Variants in XPO7 observed in about 807,000 individuals in gnomAD.
The protein encoded by XPO7 is exportin-7.
A neutral mutation model predicts 144.3 loss-of-function variants in XPO7; 21 were observed. That is an observed-to-expected ratio of 0.15 (90% CI 0.10 to 0.21). The LOEUF (loss-of-function observed/expected upper bound fraction) is 0.21, where lower values mean the gene tolerates loss of function less well. Among genes scored for constraint, XPO7 ranks in the 10% least tolerant of loss-of-function variants. XPO7 has a pLI of 1.00. For synonymous variants in XPO7, 580 were observed against 499.6 expected (o/e 1.16, Z -2.15); for missense variants, 808 against 1,325.8 (o/e 0.61, Z 6.06).
chr8:21,961,877 G>T (rs560672715), intron 1 of XPO7, among the ~76,000 whole-genome samples: 1 of 152,172 alleles, frequency 6.6e-6, no homozygotes, highest in Non-Finnish European at 1.5e-5. Flanking sequence ...CGGCCATGCC[G>T]GTCTCAAACT....
At chr8:21,940,155 A>G (rs906602172) in intron 1 of XPO7, among the ~76,000 whole-genome samples, 5 of 152,196 alleles carry the variant, frequency 3.3e-5, no homozygotes, top group South Asian at 2.1e-4. Context: ...TGAGTTCTTA[A>G]TGATATTTTA....
intron 3 of XPO7, 71 bp downstream of exon 3, chr8:21,969,647 T>A (rs1563325942): frequency 6.0e-6 from 8 of 1,333,536 alleles, no homozygotes; most frequent in Non-Finnish European, 6.3e-6. Context: ...AATAGTCAAA[T>A]GTACGTGTTT....
At chr8:21,924,973 TC>T (rs1810412615) in intron 1 of XPO7, among the ~76,000 whole-genome samples, 1 of 152,342 alleles carries the variant, frequency 6.6e-6, no homozygotes, top group Non-Finnish European at 1.5e-5. Context: ...ATATTCTACT[TC>T]CAGGGCCTTA....
Position 22,005,422 on chromosome 8 carries a change from C to A in XPO7, c.*334C>A. 1 of 192,548 alleles carries A rather than the reference C, an allele frequency of 5.2e-6. No homozygotes were observed. Among genetic ancestry groups the A allele is most frequent in the Non-Finnish European group, 1.1e-5 (1 of 94,438 alleles). 11.9% of individuals were successfully genotyped at this position (192,548 alleles called of 1,614,324 possible). ...ACAACCTGCCTTGTATAAACATGTACATTTTTTCATAACATTTTGAACAAG... is the reference window on the plus strand; with the variant it reads ...ACAACCTGCCTTGTATAAACATGTAAATTTTTTCATAACATTTTGAACAAG... On this transcript the variant is annotated 3_prime_UTR_variant, in exon 28 of 28. Coordinates refer to ENST00000252512, the MANE Select transcript of XPO7 (RefSeq NM_015024.5).
rs577784123 is a variant in XPO7, at chr8:21,974,832, G to A, written c.597+58G>A. On this transcript the variant is annotated intron_variant, in intron 6 of 27. Coordinates refer to ENST00000252512, the MANE Select transcript of XPO7 (RefSeq NM_015024.5). ...TTCTTTTGAAAGAATGAGAATGGAT[G>A]GGAACTTGTTAAATGTCAGCTTTTA... 6.6e-5 allele frequency: 89 copies of A among 1,357,488 alleles called. 1 individual carries two copies. In the South Asian group the frequency reaches 1.2e-3, roughly 18 times the overall value. The allele number at this position is 1,357,488 out of a possible 1,614,324, so 84.1% of individuals were successfully genotyped here.
chr8:21,958,880 G>A (rs985352593), intron 1 of XPO7, among the ~76,000 whole-genome samples: 1 of 150,974 alleles, frequency 6.6e-6, no homozygotes, highest in African/African-American at 2.4e-5. Context: ...AGAATCACTT[G>A]AACCCGGGAG....
At chr8:21,983,704 G>A (rs934401950) in intron 11 of XPO7, among the ~76,000 whole-genome samples, 1 of 152,168 alleles carries the variant, frequency 6.6e-6, no homozygotes, top group African/African-American at 2.4e-5. Flanking sequence ...TAGTAGCTCT[G>A]TACTCTTGGG....
chr8:21,924,393 A>G (rs1159125389), intron 1 of XPO7, among the ~76,000 whole-genome samples: 2 of 152,108 alleles, frequency 1.3e-5, no homozygotes, highest in South Asian at 2.1e-4. Context: ...AGTCAGTATT[A>G]TCGGTGCCCC....
chr8:21,926,451 G>C (rs1810460740), intron 1 of XPO7, among the ~76,000 whole-genome samples: 1 of 152,110 alleles, frequency 6.6e-6, no homozygotes, highest in Non-Finnish European at 1.5e-5. Context: ...GCTAGAAAAG[G>C]GAAATGAAGG....
intron 9 of XPO7, 80 bp from the exon 10 acceptor site, chr8:21,981,651 A>T (rs1239138485): frequency 3.9e-6 from 6 of 1,547,532 alleles, no homozygotes. Context: ...CCCTTCCCCC[A>T]TGCCATCTCA....
chr8:21,959,063 T>C (rs564621133), intron 1 of XPO7, among the ~76,000 whole-genome samples: 2 of 152,080 alleles, frequency 1.3e-5, no homozygotes, highest in South Asian at 2.1e-4. Flanking sequence ...TCCACGTGCA[T>C]GAATGACTGC....
At chr8:21,964,575 A>G (rs1280691974) in intron 1 of XPO7, among the ~76,000 whole-genome samples, 3 of 151,840 alleles carry the variant, frequency 2.0e-5, no homozygotes, top group African/African-American at 7.3e-5. Context: ...CTAATTGTTT[A>G]GGAAAACAAA....
chr8:21,963,412 T>C (rs1034042815), intron 1 of XPO7, among the ~76,000 whole-genome samples: 8 of 151,578 alleles, frequency 5.3e-5, no homozygotes, highest in African/African-American at 2.0e-4. Flanking sequence ...TTTAAAAGTA[T>C]AGACCGGGCA....
intron 1 of XPO7, among the ~76,000 whole-genome samples, chr8:21,962,017 A>T (rs1811741159): frequency 6.6e-6 from 1 of 152,202 alleles, no homozygotes; most frequent in East Asian, 1.9e-4. Context: ...ACATTCCCTG[A>T]TGATTATTGA....
chr8:21,991,630 TG>T (rs1233057975), intron 18 of XPO7: 3 of 387,102 alleles, frequency 7.7e-6, no homozygotes, highest in Non-Finnish European at 1.4e-5. Flanking sequence ...CTTGATACTG[TG>T]GCTCAGCATC....
chr8:22,006,288 T>G lies in XPO7; in HGVS notation c.*1200T>G, dbSNP rs1563343149. ...TTGAATATTAAAAAAAATAATAACC[T>G]ACAGAGGAAAATTAATGGAGACAGC... is the stretch of plus-strand genomic sequence containing the variant. On this transcript the variant is annotated 3_prime_UTR_variant, in exon 28 of 28. Transcript: ENST00000252512. The G allele has an allele frequency of 6.6e-6, 1 of 152,214 alleles. No homozygotes were observed. Among genetic ancestry groups the G allele is most frequent in the Non-Finnish European group, 1.5e-5 (1 of 68,032 alleles). The allele number at this position is 152,214 out of a possible 1,614,324, so 9.4% of individuals were successfully genotyped here.
chr8:21,973,833 A>C (rs926457722), intron 5 of XPO7, among the ~76,000 whole-genome samples: 4 of 152,246 alleles, frequency 2.6e-5, no homozygotes, highest in African/African-American at 9.6e-5. Context: ...TTAACCACAA[A>C]AACATAAATT....
chr8:21,967,055 T>C, intron 2 of XPO7, 52 bp downstream of exon 2: 1 of 1,582,326 alleles, frequency 6.3e-7, no homozygotes, highest in Non-Finnish European at 8.6e-7. Context: ...GGAAACGTTA[T>C]TCTGGTTCTC....
chr8:21,926,422 T>G (rs1250716629), intron 1 of XPO7, among the ~76,000 whole-genome samples: 1 of 152,176 alleles, frequency 6.6e-6, no homozygotes, highest in Non-Finnish European at 1.5e-5. Flanking sequence ...AATTTATGGT[T>G]TAAAGGGGTG....
Sources: gnomAD v4.1 joint callset for allele counts (sites outside exome capture counted in the v4.1 genomes callset) on GRCh38, gnomAD v4.1.1 for gene constraint, MANE v1.5 for transcripts, NCBI Gene and HGNC (gene_info 2026-07-23, HGNC 2026-07-21) for gene names.